Variants in TBXAS1 observed in about 807,000 individuals in gnomAD.
The protein encoded by TBXAS1 is thromboxane A synthase 1, also known as thromboxane-A synthase.
In TBXAS1, 48 loss-of-function variants were observed where a neutral mutation model predicts 60.7. The observed-to-expected ratio is 0.79, with a 90% CI of 0.63 to 1.01. The LOEUF (loss-of-function observed/expected upper bound fraction) is 1.01, where lower values mean the gene tolerates loss of function less well. Ranked by LOEUF, TBXAS1 falls within the 50% of genes least tolerant of loss-of-function variation. TBXAS1 has a pLI of 0.00. For missense variants in TBXAS1, 685 were observed against 686.3 expected (o/e 1.00, Z 0.02); for synonymous variants, 287 against 269.7 (o/e 1.06, Z -0.63).
intron 3 of TBXAS1, among the ~76,000 whole-genome samples, chr7:139,897,803 T>G (rs941209140): frequency 6.6e-6 from 1 of 152,166 alleles, no homozygotes; most frequent in African/African-American, 2.4e-5. Context: ...TGCCTGACCC[T>G]GCTCAGAGTG....
intron 4 of TBXAS1, among the ~76,000 whole-genome samples, chr7:139,914,212 A>T (rs1320937692): frequency 1.3e-5 from 2 of 151,492 alleles, no homozygotes; most frequent in Non-Finnish European, 2.9e-5. Flanking sequence ...AAAAAAAAAA[A>T]TTTGGCAGAG....
At chr7:139,866,531 A>G (rs1349698589) in intron 1 of TBXAS1, among the ~76,000 whole-genome samples, 2 of 151,352 alleles carry the variant, frequency 1.3e-5, no homozygotes, top group African/African-American at 4.9e-5. Context: ...AGGCAGGCAG[A>G]TCGCTTGAGC....
chr7:139,836,889 G>A (rs1799101690), intron 1 of TBXAS1, among the ~76,000 whole-genome samples: 1 of 152,148 alleles, frequency 6.6e-6, no homozygotes. Context: ...CCCAGAGTGG[G>A]AAGAAATCTT....
chr7:139,825,060 C>T (rs886636815), upstream of TBXAS1, among the ~76,000 whole-genome samples: 2 of 151,958 alleles, frequency 1.3e-5, no homozygotes, highest in Non-Finnish European at 2.9e-5. Context: ...AACTCCTAAC[C>T]TCTGGTGATC....
rs921798349 is a variant in TBXAS1 at position 139,975,800 on chromosome 7, T to C, written c.1134+13567T>C. 6.6e-6 allele frequency among the ~76,000 whole-genome samples: 1 copy of C among 152,218 alleles called. No homozygotes were observed. The highest frequency in any genetic ancestry group is 2.4e-5 in the African/African-American group (1 of 41,450). ...CATCCTCTGAGTTTGTGAATTATCT[T>C]TCTTCGTGGCCCATGTGGCACAAGA... On this transcript the variant is annotated intron_variant, in intron 9 of 12. Transcript: ENST00000448866. The surrounding 1 kb of genome is among the most constrained non-coding windows in gnomAD (Gnocchi z 4.4).
chr7:139,898,587 A>G (rs1804306400), intron 3 of TBXAS1, among the ~76,000 whole-genome samples: 1 of 152,088 alleles, frequency 6.6e-6, no homozygotes, highest in African/African-American at 2.4e-5. Flanking sequence ...CTGGGATTAC[A>G]GGCGTGAGCC....
At chr7:139,802,117 CATTCTTACCTTTT>C (rs1412505912) in intron 4 of TBXAS1, among the ~76,000 whole-genome samples, 1 of 152,224 alleles carries the variant, frequency 6.6e-6, no homozygotes, top group Non-Finnish European at 1.5e-5. Context: ...TGGCTTATCT[CATTCTTACCTTTT>C]ATTTCATGGA....
rs576539373 is a variant in TBXAS1, at chr7:139,851,805, G to C, written c.90-20430G>C. 3.5e-4 allele frequency among the ~76,000 whole-genome samples: 53 copies of C among 152,304 alleles called. No individual in the cohort carries two copies. The South Asian group carries it at 0.011, about 30-fold the overall frequency. On this transcript the variant is annotated intron_variant, in intron 1 of 12. Coordinates refer to ENST00000448866, the MANE Select transcript of TBXAS1 (RefSeq NM_001061.7). Reference sequence around the variant, plus strand: ...TAGGGCACAGGTGATGTGGTAGACAGCCTCCAAGAGGGCCCTCTGGATCCT... The same window carrying C: ...TAGGGCACAGGTGATGTGGTAGACACCCTCCAAGAGGGCCCTCTGGATCCT...
intron 4 of TBXAS1, among the ~76,000 whole-genome samples, chr7:139,911,560 G>A (rs1343307844): frequency 6.6e-6 from 1 of 152,190 alleles, no homozygotes; most frequent in South Asian, 2.1e-4. Context: ...GGAAGCTGAG[G>A]CTATTAAAAA....
At chr7:139,853,362 G>C (rs1256860815) in intron 1 of TBXAS1, among the ~76,000 whole-genome samples, 1 of 152,162 alleles carries the variant, frequency 6.6e-6, no homozygotes, top group African/African-American at 2.4e-5. Flanking sequence ...AGTAGGGCCT[G>C]GTAATGGTGA....
At chr7:139,818,476 G>A (rs1585550583) in intron 4 of TBXAS1, among the ~76,000 whole-genome samples, 2 of 152,268 alleles carry the variant, frequency 1.3e-5, no homozygotes, top group African/African-American at 4.8e-5. Context: ...CTCCCAAAGT[G>A]CTAGGATTAT....
At chr7:139,939,105 C>A (rs1260733582) in intron 5 of TBXAS1, among the ~76,000 whole-genome samples, 1 of 152,230 alleles carries the variant, frequency 6.6e-6, no homozygotes, top group Non-Finnish European at 1.5e-5. Context: ...TGGCTCACGC[C>A]TGTAATCCCA....
intron 8 of TBXAS1, 115 bp from the exon 9 acceptor site, chr7:139,961,804 G>T: frequency 7.8e-7 from 1 of 1,286,456 alleles, no homozygotes; most frequent in East Asian, 2.5e-5. Context: ...GAAGCTTGTT[G>T]CTACTGAGCT....
chr7:139,852,260 G>C lies in TBXAS1; in HGVS notation c.90-19975G>C, dbSNP rs1800268986. On this transcript the variant is annotated intron_variant, in intron 1 of 12. Transcript: ENST00000448866. The surrounding 1 kb of genome is among the most constrained non-coding windows in gnomAD (Gnocchi z 4.4). ...ATAGGTGCTGAGATAGGAATGGCTG[G>C]GACCAGGCAGGGTCAGGACTGAGGA... 2.6e-5 allele frequency among the ~76,000 whole-genome samples: 4 copies of C among 152,194 alleles called. No individual in the cohort carries two copies. Among genetic ancestry groups the C allele is most frequent in the Admixed American group, 2.6e-4 (4 of 15,284 alleles).
At chr7:139,868,752 G>A (rs982839356) in intron 1 of TBXAS1, among the ~76,000 whole-genome samples, 2 of 151,202 alleles carry the variant, frequency 1.3e-5, no homozygotes, top group Non-Finnish European at 1.5e-5. Flanking sequence ...CACCTCCTGG[G>A]TTCAAGCGAT....
At chr7:140,002,759 C>T (rs1187844702) in intron 9 of TBXAS1, among the ~76,000 whole-genome samples, 1 of 151,560 alleles carries the variant, frequency 6.6e-6, no homozygotes, top group Non-Finnish European at 1.5e-5. Flanking sequence ...GAGCTGGTGC[C>T]CAGGCCCCAC....
At chr7:139,809,320 T>TTAGATAGATAGA (rs55917453) in intron 4 of TBXAS1, among the ~76,000 whole-genome samples, 3,757 of 144,878 alleles carry the variant, frequency 0.026, 57 homozygotes, top group East Asian at 0.026. Flanking sequence ...CAATAGGAGA[T>TTAGATAGATAGA]TAGATAGATA....
rs185624975 is a variant in TBXAS1, at chr7:139,933,535, C to T, written c.334-2656C>T. Among the ~76,000 whole-genome samples, 661 of 152,232 alleles carry T rather than the reference C, an allele frequency of 4.3e-3. 6 individuals are homozygous for T. The highest frequency in any genetic ancestry group is 0.015 in the African/African-American group (622 of 41,530). On this transcript the variant is annotated intron_variant, in intron 4 of 12. Coordinates refer to ENST00000448866, the MANE Select transcript of TBXAS1 (RefSeq NM_001061.7). ...ATAAAGCCATAATTCTGTTGAGTGG[C>T]CATGGCGCTCCCAAAGAATTTCTTT...
chr7:139,879,381 G>C (rs1208904962), intron 3 of TBXAS1, among the ~76,000 whole-genome samples: 2 of 152,098 alleles, frequency 1.3e-5, no homozygotes, highest in Non-Finnish European at 2.9e-5. Context: ...GGTGGTACGT[G>C]ATAAAAAACT....
Sources: gnomAD v4.1 joint callset for allele counts (sites outside exome capture counted in the v4.1 genomes callset) on GRCh38, gnomAD v4.1.1 for gene constraint, Gnocchi (gnomAD v3.1) non-coding constraint, MANE v1.5 for transcripts, NCBI Gene and HGNC (gene_info 2026-07-23, HGNC 2026-07-21) for gene names.